The following EMSY variants were observed in gnomAD, a reference collection of about 807,000 sequenced individuals.
EMSY encodes BRCA2-interacting transcriptional repressor EMSY.
A neutral mutation model predicts 134.6 loss-of-function variants in EMSY; 26 were observed. The observed-to-expected ratio is 0.19, with a 90% CI of 0.14 to 0.27. The LOEUF (loss-of-function observed/expected upper bound fraction) is 0.27, where lower values mean the gene tolerates loss of function less well. Among genes scored for constraint, EMSY ranks in the 10% least tolerant of loss-of-function variants. EMSY has a pLI of 1.00. For synonymous variants in EMSY, 579 were observed against 577.8 expected, an observed-to-expected ratio of 1.00 and a Z score of -0.03; for missense variants, 1,305 against 1,611.4, an observed-to-expected ratio of 0.81 and a Z score of 3.26.
At chr11:76,548,579 T>G (rs1951736092) in intron 20 of EMSY, among the ~76,000 whole-genome samples, 2 of 152,234 alleles carry the variant, frequency 1.3e-5, no homozygotes, top group Admixed American at 6.5e-5. Context: ...ACAAGATTAA[T>G]GTGGGGCTCA....
At chr11:76,533,437 T>C (rs934022029) in intron 14 of EMSY, among the ~76,000 whole-genome samples, 2 of 151,586 alleles carry the variant, frequency 1.3e-5, no homozygotes, top group African/African-American at 4.8e-5. Context: ...CTGATTGTTA[T>C]AACTGTGCAG....
intron 11 of EMSY, among the ~76,000 whole-genome samples, chr11:76,517,420 C>T (rs543015599): frequency 6.6e-6 from 1 of 152,252 alleles, no homozygotes; most frequent in South Asian, 2.1e-4. Flanking sequence ...TAATTTATTA[C>T]TTGACAATAT....
chr11:76,469,905 C>CT (rs1948506719), intron 7 of EMSY, among the ~76,000 whole-genome samples: 1 of 152,156 alleles, frequency 6.6e-6, no homozygotes, highest in African/African-American at 2.4e-5. Context: ...CTGATCAAGT[C>CT]TATCTATAAA....
chr11:76,519,802 A>G (rs996327822), intron 11 of EMSY, among the ~76,000 whole-genome samples: 1 of 152,296 alleles, frequency 6.6e-6, no homozygotes, highest in Admixed American at 6.5e-5. Context: ...ATGCATCAAT[A>G]TCATAGTTCA....
chr11:76,502,802 G>A (rs544668192), intron 9 of EMSY, among the ~76,000 whole-genome samples: 2 of 152,166 alleles, frequency 1.3e-5, no homozygotes, highest in South Asian at 2.1e-4. Context: ...TAAATAAATA[G>A]GAAAGCATAC....
chr11:76,538,865 C>T (rs1038517431), intron 16 of EMSY, among the ~76,000 whole-genome samples: 6 of 151,906 alleles, frequency 3.9e-5, no homozygotes, highest in African/African-American at 9.7e-5. Context: ...GGCTGAGTCA[C>T]GAGAATCCCT....
At chr11:76,528,429 T>C in exon 14 of EMSY, 1 of 1,611,216 alleles carries the variant, frequency 6.2e-7, no homozygotes, top group Non-Finnish European at 8.5e-7. Flanking sequence ...ATACAGATAG[T>C]AGTTCCTCTT....
chr11:76,511,365 G>A (rs1183489527), intron 9 of EMSY, among the ~76,000 whole-genome samples: 1 of 151,962 alleles, frequency 6.6e-6, no homozygotes, highest in Admixed American at 6.6e-5. Flanking sequence ...TTTTCTCTGT[G>A]TGCTTATTTC....
chr11:76,466,003 T>A (rs529850619), intron 7 of EMSY, among the ~76,000 whole-genome samples: 1 of 152,356 alleles, frequency 6.6e-6, no homozygotes, highest in South Asian at 2.1e-4. Context: ...ATAAGCCTGG[T>A]TGGCAGTGTT....
chr11:76,505,259 G>A (rs1039865783), intron 9 of EMSY, among the ~76,000 whole-genome samples: 6 of 151,934 alleles, frequency 3.9e-5, no homozygotes, highest in South Asian at 4.2e-4. Flanking sequence ...CAAGGCGGGC[G>A]GTCTTGGCTC....
rs1463503140 is a variant in EMSY, at chr11:76,498,957, G to A, written c.1363+2488G>A. Among the ~76,000 whole-genome samples the A allele has an allele frequency of 2.0e-5, 3 of 152,036 alleles. No individual in the cohort carries two copies. The East Asian group carries it at 5.8e-4, about 29-fold the overall frequency. On this transcript the variant is annotated intron_variant, in intron 9 of 20. Coordinates refer to ENST00000334736, the Ensembl canonical transcript of EMSY. ...AGTTATATATTTTTATATCAACTTT[G>A]CCAATAACTTGTTTTTGTTTTTGAG...
intron 8 of EMSY, among the ~76,000 whole-genome samples, chr11:76,484,802 C>T (rs1281455540): frequency 6.6e-6 from 1 of 151,842 alleles, no homozygotes; most frequent in African/African-American, 2.4e-5. Flanking sequence ...GGCATGGTGG[C>T]ACATGCCTGT....
At chr11:76,497,752 C>T (rs1158971054) in intron 9 of EMSY, among the ~76,000 whole-genome samples, 1 of 151,996 alleles carries the variant, frequency 6.6e-6, no homozygotes, top group Non-Finnish European at 1.5e-5. Flanking sequence ...CTATTTATTG[C>T]ATTTAAAAAT....
chr11:76,510,305 A>G (rs1236406649), intron 9 of EMSY, among the ~76,000 whole-genome samples: 1 of 152,362 alleles, frequency 6.6e-6, no homozygotes, highest in East Asian at 1.9e-4. Flanking sequence ...AGCCATGATC[A>G]CACCATTGCA....
At chr11:76,520,738 ATATTCT>A (rs1477156107) in intron 11 of EMSY, among the ~76,000 whole-genome samples, 1 of 152,184 alleles carries the variant, frequency 6.6e-6, no homozygotes, top group Non-Finnish European at 1.5e-5. Flanking sequence ...TATAACTAGA[ATATTCT>A]TATTCTTAGT....
intron 7 of EMSY, among the ~76,000 whole-genome samples, chr11:76,467,336 A>T (rs1199796292): frequency 2.0e-5 from 3 of 152,146 alleles, no homozygotes; most frequent in Non-Finnish European, 4.4e-5. Context: ...CTTCTTGTCT[A>T]GTCTTTTAAT....
chr11:76,534,439 T>C (rs768240476), intron 14 of EMSY, among the ~76,000 whole-genome samples: 4 of 152,186 alleles, frequency 2.6e-5, no homozygotes, highest in African/African-American at 4.8e-5. Flanking sequence ...TATATCTTCA[T>C]GTGGCATATA....
rs1264721522 is a variant in EMSY, at chr11:76,503,951, A to AT, written c.1363+7497dup. On this transcript the variant is annotated intron_variant, in intron 9 of 20. Coordinates refer to ENST00000334736, the Ensembl canonical transcript of EMSY. ...AGGCGCGCACCATCACGCCCGGCTA[A>AT]TTTTTTTTTTTTTTTGTAGAGATGG... is the stretch of plus-strand genomic sequence containing the variant. Among the ~76,000 whole-genome samples the AT allele has an allele frequency of 4.9e-3, 687 of 141,524 alleles. 4 individuals are homozygous for AT. Among genetic ancestry groups the AT allele is most frequent in the African/African-American group, 1.0e-2 (386 of 38,746 alleles). The allele number at this position is 141,524 out of a possible 152,430, so 92.8% of individuals were successfully genotyped here. A position where few individuals can be genotyped will look rare whatever the true frequency, so the allele number is the denominator to read the frequency against.
exon 21 of EMSY, chr11:76,550,267 G>A: frequency 1.4e-6 from 1 of 692,632 alleles, no homozygotes; most frequent in Non-Finnish European, 2.0e-6. Flanking sequence ...CCCTAAAACA[G>A]CAGTGTTTCA....
Sources: allele counts gnomAD v4.1 joint callset (sites outside exome capture counted in the v4.1 genomes callset), GRCh38; gene constraint gnomAD v4.1.1; transcripts MANE v1.5; gene names NCBI Gene and HGNC (gene_info 2026-07-23, HGNC 2026-07-21).